Variants in ERICH1 observed in about 807,000 individuals in gnomAD.
ERICH1 encodes the protein glutamate-rich protein 1.
Under a neutral mutation model 39.6 loss-of-function variants are expected in ERICH1, and 56 were observed. The observed-to-expected ratio is 1.41, with a 90% CI of 1.14 to 1.77. The LOEUF (loss-of-function observed/expected upper bound fraction) is 1.77, where lower values mean the gene tolerates loss of function less well. Ranked by LOEUF, ERICH1 falls within the 40% of genes most tolerant of loss-of-function variation. The probability of loss-of-function intolerance (pLI) is 0.00; values close to 1 mark genes in which losing one functional copy is unlikely to be tolerated. For missense variants in ERICH1, 826 were observed against 575.4 expected, an observed-to-expected ratio of 1.44 and a Z score of -4.45; for synonymous variants, 313 against 223.6, an observed-to-expected ratio of 1.40 and a Z score of -3.57.
chr8:631,564 C>T (rs916754748), intron 3 of ERICH1, among the ~76,000 whole-genome samples: 7 of 152,270 alleles, frequency 4.6e-5, no homozygotes, highest in East Asian at 1.9e-4. Context: ...CTGAGAATTT[C>T]GGTCTCTCCT....
At chr8:670,058 T>A (rs960909904) in intron 4 of ERICH1, among the ~76,000 whole-genome samples, 9 of 152,162 alleles carry the variant, frequency 5.9e-5, no homozygotes, top group Non-Finnish European at 1.3e-4. Context: ...CTTTCCTGTG[T>A]TTTCCACCCG....
intron 3 of ERICH1, among the ~76,000 whole-genome samples, chr8:630,414 T>G (rs13262731): frequency 1.0e-5 from 1 of 97,460 alleles, no homozygotes; most frequent in Admixed American, 1.1e-4. Flanking sequence ...CACACCCTCC[T>G]GTGACCACCC....
chr8:666,293 TAA>T (rs928055091), intron 5 of ERICH1: 3 of 152,162 alleles, frequency 2.0e-5, no homozygotes, highest in African/African-American at 7.2e-5. Flanking sequence ...TTAAAAAAAT[TAA>T]AAAGTTAAAA....
At chr8:730,898 G>A (rs1479295109) in intron 1 of ERICH1, among the ~76,000 whole-genome samples, 1 of 152,204 alleles carries the variant, frequency 6.6e-6, no homozygotes, top group Non-Finnish European at 1.5e-5. Context: ...CCAGACACCA[G>A]GTGGGGCCTG....
At chr8:638,434 C>T (rs774656209) in intron 3 of ERICH1, among the ~76,000 whole-genome samples, 1 of 152,078 alleles carries the variant, frequency 6.6e-6, no homozygotes, top group African/African-American at 2.4e-5. Context: ...GTGGGCCGGT[C>T]GTGCCTGAAA....
At chr8:615,196 A>G in exon 4 of ERICH1, 1 of 659,312 alleles carries the variant, frequency 1.5e-6, no homozygotes. Context: ...CTTGACCTGG[A>G]ATTGTCCAAG....
chr8:639,195 C>G (rs1244752828), intron 3 of ERICH1, among the ~76,000 whole-genome samples: 1 of 152,148 alleles, frequency 6.6e-6, no homozygotes, highest in Non-Finnish European at 1.5e-5. Context: ...GATAAAGACA[C>G]TTGGATCTGG....
chr8:726,599 C>G (rs1158848432), intron 1 of ERICH1, among the ~76,000 whole-genome samples: 1 of 151,700 alleles, frequency 6.6e-6, no homozygotes, highest in Non-Finnish European at 1.5e-5. Context: ...CATACACACA[C>G]AGGCACACAT....
At chr8:674,682 T>G (rs1804267920) in intron 3 of ERICH1, among the ~76,000 whole-genome samples, 1 of 152,248 alleles carries the variant, frequency 6.6e-6, no homozygotes, top group Non-Finnish European at 1.5e-5. Context: ...TTTCTTTTGT[T>G]CTTTTAAAAA....
At chr8:688,215 G>A (rs1292634444) in intron 3 of ERICH1, among the ~76,000 whole-genome samples, 4 of 149,874 alleles carry the variant, frequency 2.7e-5, no homozygotes, top group African/African-American at 4.9e-5. Context: ...AGCCGCCCAC[G>A]CAGGTTTCCC....
chr8:686,794 G>A (rs1400303440), intron 3 of ERICH1: 1 of 152,276 alleles, frequency 6.6e-6, no homozygotes, highest in African/African-American at 2.4e-5. Flanking sequence ...GCGCACAGCA[G>A]GGCGCCCCTC....
chr8:708,681 G>GTTTTTTGTTTTTTTTTTTTGTTTT, intron 2 of ERICH1, among the ~76,000 whole-genome samples: 1 of 65,816 alleles, frequency 1.5e-5, no homozygotes, highest in Non-Finnish European at 3.0e-5. Flanking sequence ...GGGATAATGA[G>GTTTTTTGTTTTTTTTTTTTGTTTT]TTTTTTTTTT....
chr8:631,387 G>A (rs1288807098), intron 3 of ERICH1, among the ~76,000 whole-genome samples: 1 of 152,230 alleles, frequency 6.6e-6, no homozygotes, highest in Non-Finnish European at 1.5e-5. Context: ...TACTCAGAGA[G>A]AGGTGTGCGG....
chr8:616,794 G>C (rs1468415886), intron 3 of ERICH1, among the ~76,000 whole-genome samples: 1 of 105,844 alleles, frequency 9.4e-6, no homozygotes, highest in East Asian at 3.6e-4. Flanking sequence ...GAGAGAGATG[G>C]GGAAGAGAGG....
At chr8:662,280 C>A (rs147158961), downstream of ERICH1, among the ~76,000 whole-genome samples, 4 of 152,186 alleles carry the variant, frequency 2.6e-5, no homozygotes, top group Non-Finnish European at 4.4e-5. Flanking sequence ...ACAAATGGGA[C>A]GTTAAGAATA....
Position 655,348 on chromosome 8 carries a change from C to T in ERICH1, c.976+13250G>A, listed in dbSNP as rs112496502. Among the ~76,000 whole-genome samples the T allele has an allele frequency of 8.1e-3, 1,235 of 152,312 alleles. 17 individuals carry two copies. Among genetic ancestry groups the T allele is most frequent in the African/African-American group, 0.028 (1,148 of 41,560 alleles). On this transcript the variant is annotated intron_variant, in intron 3 of 3. Transcript: ENST00000522706. Reference sequence around the variant, plus strand: ...TCCAACACGGCAGATAGTAATTAAGCCTGCAGAGAGGATTTCTGTACGTCA... The same window carrying T: ...TCCAACACGGCAGATAGTAATTAAGTCTGCAGAGAGGATTTCTGTACGTCA...
chr8:616,199 C>G (rs977942392), intron 3 of ERICH1: 1 of 212,164 alleles, frequency 4.7e-6, no homozygotes, highest in Admixed American at 5.3e-5. Context: ...ATTCCGTAAC[C>G]TGAAAAGTGT....
At chr8:713,624 G>T (rs978532927) in intron 2 of ERICH1, among the ~76,000 whole-genome samples, 1 of 152,122 alleles carries the variant, frequency 6.6e-6, no homozygotes, top group Admixed American at 6.5e-5. Context: ...CCTGGAAATG[G>T]AATCACCACA....
Position 715,978 on chromosome 8 carries a change from A to T in ERICH1, c.52T>A (p.Phe18Ile). 1.2e-6 allele frequency: 2 copies of T among 1,613,338 alleles called. No individual in the cohort carries two copies. The highest frequency in any genetic ancestry group is 1.7e-6 in the Non-Finnish European group (2 of 1,179,768). Residue 18 changes from phenylalanine (F) to isoleucine (I), a missense_variant, in exon 2 of 6, where the codon TTT becomes ATT. Physicochemically the swap from Phe to Ile is conservative, Grantham distance 21. Transcript: ENST00000262109. ...VFVEKVLQRL[F>I]PPVPSGQGKR... Reference sequence around the variant, plus strand: ...CCTTGGCCACTTGGAACAGGAGGAAAAAGTCTCTGCAGCACCTTCTCCACA... The same window carrying T: ...CCTTGGCCACTTGGAACAGGAGGAATAAGTCTCTGCAGCACCTTCTCCACA...
Sources: allele counts gnomAD v4.1 joint callset (sites outside exome capture counted in the v4.1 genomes callset), GRCh38; gene constraint gnomAD v4.1.1; transcripts MANE v1.5; gene names NCBI Gene and HGNC (gene_info 2026-07-23, HGNC 2026-07-21).